EVA1C: variants seen among roughly 807,000 people sequenced by gnomAD.
The protein encoded by EVA1C is protein eva-1 homolog C.
Under a neutral mutation model 45.4 loss-of-function variants are expected in EVA1C, and 25 were observed. That is an observed-to-expected ratio of 0.55 (90% CI 0.40 to 0.77). EVA1C has a LOEUF of 0.77. EVA1C is among the 30% of genes least tolerant of loss of function. The pLI is 0.00. For missense variants in EVA1C, 479 were observed against 554.8 expected (o/e 0.86, Z 1.37); for synonymous variants, 190 against 221.2 (o/e 0.86, Z 1.25).
rs541019871 is a variant in EVA1C at position 32,458,930 on chromosome 21, G to A, written c.481+1210G>A. ...TGTGGGGAGAGGTCAGGCCACACTC[G>A]TACTATGGTCTCAGGTACACATGTG... On this transcript the variant is annotated intron_variant, in intron 3 of 7. Transcript: ENST00000300255. Among the ~76,000 whole-genome samples the A allele has an allele frequency of 8.9e-4, 135 of 152,086 alleles. 1 individual carries two copies. Among genetic ancestry groups the A allele is most frequent in the Non-Finnish European group, 1.6e-3 (112 of 68,006 alleles).
intron 7 of EVA1C, among the ~76,000 whole-genome samples, chr21:32,512,430 C>A (rs2037987169): frequency 6.6e-6 from 1 of 152,180 alleles, no homozygotes; most frequent in African/African-American, 2.4e-5. Context: ...CTTCTTGGAA[C>A]CTGAAACGTC....
At chr21:32,446,471 C>G (rs2035367933) in intron 1 of EVA1C, among the ~76,000 whole-genome samples, 2 of 152,172 alleles carry the variant, frequency 1.3e-5, no homozygotes, top group Admixed American at 6.5e-5. Flanking sequence ...GCTAATTTGA[C>G]TAGGAGGGAA....
chr21:32,467,745 C>G lies in EVA1C; in HGVS notation c.531C>G (p.His177Gln), dbSNP rs1280893262. The change falls in exon 4 of 8, where the codon CAC (histidine) becomes CAG (glutamine). Residue 177 changes from histidine to glutamine, a missense_variant. By Grantham distance (24) the His-to-Gln change is conservative. Around this residue, in one of 3 missense-constraint regions of EVA1C, gnomAD observed 366 missense variants for 426.1 expected, o/e 0.86. Coordinates refer to ENST00000300255, the MANE Select transcript of EVA1C (RefSeq NM_058187.5). ...GTGAAGACCAGGAGCTGAAACTGCACTGCCATGAATCCAAGTTCCTCAACA... is the reference window on the plus strand; with the variant it reads ...GTGAAGACCAGGAGCTGAAACTGCAGTGCCATGAATCCAAGTTCCTCAACA... ...TVCEDQELKL[H>Q]CHESKFLNIY... 1 of 1,612,120 alleles carries G rather than the reference C, an allele frequency of 6.2e-7. No individual in the cohort carries two copies. Among genetic ancestry groups the G allele is most frequent in the East Asian group, 2.2e-5 (1 of 44,712 alleles).
intron 5 of EVA1C, among the ~76,000 whole-genome samples, chr21:32,500,677 T>G (rs896220558): frequency 2.0e-5 from 3 of 152,074 alleles, no homozygotes; most frequent in African/African-American, 7.2e-5. Context: ...TCTCTAGATT[T>G]GCCTTTTCTG....
chr21:32,451,273 T>C (rs1281735530), intron 1 of EVA1C, among the ~76,000 whole-genome samples: 5 of 152,118 alleles, frequency 3.3e-5, no homozygotes, highest in Admixed American at 2.0e-4. Flanking sequence ...CCTCCTCCCT[T>C]CAGAGACCAA....
intron 1 of EVA1C, among the ~76,000 whole-genome samples, chr21:32,429,997 C>G (rs2146151692): frequency 6.6e-6 from 1 of 152,276 alleles, no homozygotes; most frequent in South Asian, 2.1e-4. Flanking sequence ...ATCTCAAGTG[C>G]CCAGTAGCCA....
intron 1 of EVA1C, among the ~76,000 whole-genome samples, chr21:32,436,214 T>C (rs35175704): frequency 0.38 from 50,393 of 132,502 alleles, 8,591 homozygotes; most frequent in East Asian, 0.52. Context: ...CAGGAGCCCG[T>C]CACCACACCC....
chr21:32,450,577 G>A (rs916543100), intron 1 of EVA1C, among the ~76,000 whole-genome samples: 6 of 152,080 alleles, frequency 3.9e-5, no homozygotes, highest in African/African-American at 1.2e-4. Flanking sequence ...CTAAGTATAG[G>A]GGTGCCAGCC....
At chr21:32,421,034 C>G (rs2034248510) in intron 1 of EVA1C, among the ~76,000 whole-genome samples, 1 of 152,208 alleles carries the variant, frequency 6.6e-6, no homozygotes, top group Non-Finnish European at 1.5e-5. Flanking sequence ...CATCTAGCCT[C>G]AAAGAACTGA....
chr21:32,448,278 C>T (rs563064301), intron 1 of EVA1C, among the ~76,000 whole-genome samples: 6 of 152,312 alleles, frequency 3.9e-5, no homozygotes, highest in South Asian at 2.1e-4. Flanking sequence ...ATTCCGCACC[C>T]GCTTGCTCCA....
intron 1 of EVA1C, among the ~76,000 whole-genome samples, chr21:32,426,360 T>TG (rs940720464): frequency 9.2e-5 from 14 of 152,200 alleles, no homozygotes; most frequent in African/African-American, 2.4e-4. Context: ...GGTTGCATGA[T>TG]GGGGGGTGGA....
In EVA1C at chr21:32,503,956, T is replaced by G. The variant is rs762175845; in HGVS notation, c.890T>G (p.Val297Gly). 21 of 1,611,532 alleles carry G rather than the reference T, an allele frequency of 1.3e-5. No homozygotes were observed. The highest frequency in any genetic ancestry group is 1.7e-5 in the Non-Finnish European group (20 of 1,179,734). Residue 297 changes from valine to glycine, a missense_variant, in exon 7 of 8, where the codon GTT becomes GGT. By Grantham distance (109) the Val-to-Gly change is moderately radical (BLOSUM62 -3). This residue lies in a region of EVA1C where 366 missense variants were observed against 426.1 expected (regional missense o/e 0.86). Coordinates refer to ENST00000300255, the MANE Select transcript of EVA1C (RefSeq NM_058187.5). ...AACTTCGACCCAAGCGGATCGAAGG[T>G]TCTGAGGAAAGATGGAATTCTTGTT... The part of the protein sequence containing the change: ...GINFDPSGSK[V>G]LRKDGILVSN...
At chr21:32,434,524 G>A (rs1235737620) in intron 1 of EVA1C, among the ~76,000 whole-genome samples, 1 of 152,040 alleles carries the variant, frequency 6.6e-6, no homozygotes, top group East Asian at 1.9e-4. Context: ...CCGGGAGGAG[G>A]AGCTTGCAGT....
At position 32,495,212 on chromosome 21, in the gene EVA1C, C is replaced by T. The variant is rs112199125; in HGVS notation, c.778+42C>T. The T allele has an allele frequency of 2.5e-6, 4 of 1,603,488 alleles. No individual in the cohort carries two copies. In the African/African-American group the frequency reaches 4.0e-5, roughly 16 times the overall value. Reference sequence around the variant, plus strand: ...GACCAGCTGCCTGATGACACTGCCTCTTTTGGGGGAGGGTGGTGACCATGT... The same window carrying T: ...GACCAGCTGCCTGATGACACTGCCTTTTTTGGGGGAGGGTGGTGACCATGT... On this transcript the variant is annotated intron_variant, in intron 5 of 7. Transcript: ENST00000300255.
At chr21:32,483,906 G>T (rs185853622) in intron 4 of EVA1C, among the ~76,000 whole-genome samples, 125 of 151,930 alleles carry the variant, frequency 8.2e-4, no homozygotes, top group Middle Eastern at 6.8e-3. Flanking sequence ...GGCCGTAGAC[G>T]TCCTTCATGA....
chr21:32,497,071 CA>C (rs1313956035), intron 5 of EVA1C: 1 of 1,057,112 alleles, frequency 9.5e-7, no homozygotes, highest in African/African-American at 1.6e-5. Flanking sequence ...TGTCATTGGA[CA>C]GGATGGTCTG....
At chr21:32,505,516 G>T (rs776284549) in intron 7 of EVA1C, among the ~76,000 whole-genome samples, 3 of 152,200 alleles carry the variant, frequency 2.0e-5, no homozygotes, top group Non-Finnish European at 2.9e-5. Context: ...CTGTGGCCTT[G>T]CTGTGTGCTT....
chr21:32,421,700 A>G (rs1426664475), intron 1 of EVA1C, among the ~76,000 whole-genome samples: 1 of 152,244 alleles, frequency 6.6e-6, no homozygotes, highest in Non-Finnish European at 1.5e-5. Flanking sequence ...TCAAAATTAC[A>G]TTATATGAGC....
In EVA1C at chr21:32,515,201, C is replaced by T. The variant is rs757719883; in HGVS notation, c.*11C>T. 1.3e-6 allele frequency: 2 copies of T among 1,555,564 alleles called. No homozygotes were observed. The highest frequency in any genetic ancestry group is 3.7e-5 in the Admixed American group (2 of 53,530). On this transcript the variant is annotated 3_prime_UTR_variant, in exon 8 of 8. Transcript: ENST00000300255. Reference sequence around the variant, plus strand: ...GGCCAGTTCTACTGAAAACCACATGCATCTTGATGCGATCGCACTTTCTGA... The same window carrying T: ...GGCCAGTTCTACTGAAAACCACATGTATCTTGATGCGATCGCACTTTCTGA...
Sources: allele counts gnomAD v4.1 joint callset (sites outside exome capture counted in the v4.1 genomes callset), GRCh38; gene constraint gnomAD v4.1.1; regional missense constraint gnomAD v4.1.1; transcripts MANE v1.5; gene names NCBI Gene and HGNC (gene_info 2026-07-23, HGNC 2026-07-21).